The following DYM variants were observed in gnomAD, a reference collection of about 807,000 sequenced individuals.
The protein encoded by DYM is dymeclin, also known as dyggve-Melchior-Clausen syndrome protein.
DYM carries 78 observed loss-of-function variants against 93.1 expected under a neutral mutation model. The ratio of observed to expected loss-of-function variants is 0.84; its 90% CI spans 0.70 to 1.01. DYM has a LOEUF of 1.01. Ranked by LOEUF, DYM falls within the 50% of genes least tolerant of loss-of-function variation. DYM has a pLI of 0.00. For synonymous variants in DYM, 321 were observed against 319.7 expected (o/e 1.00, Z -0.04); for missense variants, 789 against 845.0 (o/e 0.93, Z 0.82).
At chr18:49,244,469 T>G (rs1055141569) in intron 13 of DYM, among the ~76,000 whole-genome samples, 1 of 152,198 alleles carries the variant, frequency 6.6e-6, no homozygotes, top group African/African-American at 2.4e-5. Flanking sequence ...GTACACAAAT[T>G]ACTTGTTTTT....
chr18:49,289,401 C>A, intron 8 of DYM, among the ~76,000 whole-genome samples: 1 of 14,688 alleles, frequency 6.8e-5, no homozygotes, highest in Non-Finnish European at 1.3e-4. Context: ...ATCTACAAAT[C>A]AGTAAAAAAA....
Position 49,080,503 on chromosome 18 carries a change from G to A in DYM, c.2025+16899C>T, listed in dbSNP as rs1369486592. Among the ~76,000 whole-genome samples, 6 of 140,106 alleles carry A rather than the reference G, an allele frequency of 4.3e-5. No homozygotes were observed. In the East Asian group the frequency reaches 9.0e-4, roughly 21 times the overall value. The allele number at this position is 140,106 out of a possible 152,430, so 91.9% of individuals were successfully genotyped here. ...CACCTCCCGGACGGGGCGGCTGGCC[G>A]GGCAGAGGGGCTCCTCACTTCCCAG... On this transcript the variant is annotated intron_variant, in intron 17 of 17. Coordinates refer to ENST00000675505, the MANE Select transcript of DYM (RefSeq NM_001353214.3).
chr18:49,133,647 T>C (rs1032748120), intron 15 of DYM, among the ~76,000 whole-genome samples: 1 of 152,204 alleles, frequency 6.6e-6, no homozygotes, highest in Non-Finnish European at 1.5e-5. Context: ...GCCTCCTTCA[T>C]CTTCAAACCA....
chr18:49,246,506 T>C (rs796521541), intron 13 of DYM, among the ~76,000 whole-genome samples: 7 of 152,244 alleles, frequency 4.6e-5, no homozygotes, highest in African/African-American at 1.7e-4. Context: ...GCGTGCCTCT[T>C]TTCTCTCTGT....
At position 49,430,261 on chromosome 18, in the gene DYM, G is replaced by T. The variant is rs1300960029; in HGVS notation, c.134C>A (p.Thr45Asn). Reference sequence around the variant, plus strand: ...TCTCCAGGCAATCTCTTACCTGCTAGTTGGTGCAGGGAAAGAAAATGAGAG... The same window carrying T: ...TCTCCAGGCAATCTCTTACCTGCTATTTGGTGCAGGGAAAGAAAATGAGAG... ...QLLSFSFPAP[T>N]SSSELKLLEE... Residue 45 changes from threonine to asparagine, a missense_variant, in exon 2 of 18, where the codon ACT becomes AAT. Physicochemically the swap from Thr to Asn is moderately conservative, Grantham distance 65. Coordinates refer to ENST00000675505, the MANE Select transcript of DYM (RefSeq NM_001353214.3). 1 of 1,613,826 alleles carries T rather than the reference G, an allele frequency of 6.2e-7. No individual in the cohort carries two copies. Among genetic ancestry groups the T allele is most frequent in the Non-Finnish European group, 8.5e-7 (1 of 1,179,902 alleles).
chr18:49,323,997 T>C (rs537150579), intron 8 of DYM, among the ~76,000 whole-genome samples: 2 of 151,916 alleles, frequency 1.3e-5, no homozygotes, highest in South Asian at 4.2e-4. Flanking sequence ...AAATTAGGAA[T>C]GGTGGCAGGT....
intron 2 of DYM, among the ~76,000 whole-genome samples, chr18:49,402,260 T>C (rs2070939393): frequency 2.0e-5 from 3 of 152,140 alleles, no homozygotes. Context: ...CCTTATGTCA[T>C]GCTAAGGAGT....
intron 15 of DYM, among the ~76,000 whole-genome samples, chr18:49,129,207 A>G (rs1347263817): frequency 6.6e-6 from 1 of 152,082 alleles, no homozygotes; most frequent in East Asian, 1.9e-4. Context: ...TGCCATGGAC[A>G]GGGCACGTCA....
intron 14 of DYM, among the ~76,000 whole-genome samples, chr18:49,197,502 T>C (rs72642448): frequency 1.1e-4 from 16 of 152,118 alleles, no homozygotes; most frequent in African/African-American, 3.1e-4. Flanking sequence ...CTAGAATGCA[T>C]GTAAACAATT....
At chr18:49,286,643 T>C (rs2059684981) in intron 8 of DYM, 27 bp from the exon 9 acceptor site, 1 of 1,608,360 alleles carries the variant, frequency 6.2e-7, no homozygotes, top group South Asian at 1.1e-5. Context: ...CCTGTTAGGA[T>C]GTGCTGCCAC....
At chr18:49,202,846 C>A (rs2092144997) in intron 14 of DYM, among the ~76,000 whole-genome samples, 2 of 100,504 alleles carry the variant, frequency 2.0e-5, no homozygotes, top group East Asian at 4.1e-4. Context: ...GCAGCCACCC[C>A]ATCTGGGAAG....
intron 14 of DYM, among the ~76,000 whole-genome samples, chr18:49,207,113 C>T (rs926699827): frequency 6.6e-6 from 1 of 152,086 alleles, no homozygotes; most frequent in Non-Finnish European, 1.5e-5. Flanking sequence ...CCCAGCTGAA[C>T]ATGTATTTCT....
At chr18:49,150,173 A>G (rs2085658777) in intron 15 of DYM, among the ~76,000 whole-genome samples, 1 of 152,230 alleles carries the variant, frequency 6.6e-6, no homozygotes, top group Non-Finnish European at 1.5e-5. Flanking sequence ...CACTACTACT[A>G]ATGGAACAAA....
chr18:49,292,569 A>G (rs1447899497), intron 8 of DYM, among the ~76,000 whole-genome samples: 1 of 139,136 alleles, frequency 7.2e-6, no homozygotes, highest in Admixed American at 7.8e-5. Context: ...TAAGAATCTT[A>G]GTGGAATTGC....
chr18:49,082,566 T>G (rs1209692849), intron 17 of DYM, among the ~76,000 whole-genome samples: 1 of 152,162 alleles, frequency 6.6e-6, no homozygotes, highest in Non-Finnish European at 1.5e-5. Flanking sequence ...ACAATTAACT[T>G]AAAAATGAAA....
intron 6 of DYM, among the ~76,000 whole-genome samples, chr18:49,346,810 C>T (rs1256035339): frequency 6.6e-6 from 1 of 152,112 alleles, no homozygotes; most frequent in Non-Finnish European, 1.5e-5. Context: ...AATCTATATT[C>T]ATAACTGAAT....
intron 8 of DYM, among the ~76,000 whole-genome samples, chr18:49,331,221 T>C (rs2063284341): frequency 6.6e-6 from 1 of 152,230 alleles, no homozygotes; most frequent in African/African-American, 2.4e-5. Context: ...GTTTCATTTA[T>C]ATAACTTCAC....
At chr18:49,197,582 T>A (rs1363203302) in intron 14 of DYM, among the ~76,000 whole-genome samples, 1 of 152,180 alleles carries the variant, frequency 6.6e-6, no homozygotes, top group Non-Finnish European at 1.5e-5. Flanking sequence ...GAACAATTTT[T>A]AAAAATTTAT....
intron 2 of DYM, among the ~76,000 whole-genome samples, chr18:49,423,143 A>G (rs1385304751): frequency 2.6e-5 from 4 of 152,222 alleles, no homozygotes; most frequent in Admixed American, 2.6e-4. Context: ...CATAGTTGGA[A>G]GTAAAGCACT....
Sources: gnomAD v4.1 joint callset for allele counts (sites outside exome capture counted in the v4.1 genomes callset) on GRCh38, gnomAD v4.1.1 for gene constraint, MANE v1.5 for transcripts, NCBI Gene and HGNC (gene_info 2026-07-23, HGNC 2026-07-21) for gene names.